The following PDE9A variants were observed in gnomAD, a reference collection of about 807,000 sequenced individuals.
The protein encoded by PDE9A is high affinity cGMP-specific 3',5'-cyclic phosphodiesterase 9A.
A neutral mutation model predicts 87.4 loss-of-function variants in PDE9A; 60 were observed. That is an observed-to-expected ratio of 0.69 (90% CI 0.56 to 0.85). The LOEUF (loss-of-function observed/expected upper bound fraction) is 0.85, where lower values mean the gene tolerates loss of function less well. Ranked by LOEUF, PDE9A falls within the 40% of genes least tolerant of loss-of-function variation. PDE9A has a pLI of 0.00. For synonymous variants in PDE9A, 272 were observed against 279.4 expected, an observed-to-expected ratio of 0.97 and a Z score of 0.27; for missense variants, 665 against 779.0, an observed-to-expected ratio of 0.85 and a Z score of 1.74.
intron 14 of PDE9A, among the ~76,000 whole-genome samples, chr21:42,764,900 G>A (rs1240098897): frequency 2.0e-5 from 3 of 152,116 alleles, no homozygotes; most frequent in Non-Finnish European, 4.4e-5. Context: ...TGTATCTGAT[G>A]CTTGTTGTTT....
At chr21:42,773,292 A>C (rs985985241) in intron 19 of PDE9A, among the ~76,000 whole-genome samples, 9 of 151,838 alleles carry the variant, frequency 5.9e-5, no homozygotes, top group Non-Finnish European at 1.0e-4. Flanking sequence ...GAGGCTCTTA[A>C]AGAAGGGGAA....
chr21:42,765,617 A>G (rs779173818), intron 15 of PDE9A, 123 bp downstream of exon 15: 4 of 708,500 alleles, frequency 5.6e-6, no homozygotes, highest in Non-Finnish European at 1.0e-5. Context: ...CAAGGTGTCT[A>G]TAAATCTGGT....
At chr21:42,703,551 A>G (rs1207212573) in intron 4 of PDE9A, among the ~76,000 whole-genome samples, 1 of 152,238 alleles carries the variant, frequency 6.6e-6, no homozygotes, top group Non-Finnish European at 1.5e-5. Context: ...TTAGAAGAGC[A>G]TCGCTGGGAG....
At chr21:42,738,691 CTGTTT>C (rs1046810355) in intron 7 of PDE9A, among the ~76,000 whole-genome samples, 1 of 152,032 alleles carries the variant, frequency 6.6e-6, no homozygotes, top group Admixed American at 6.5e-5. Flanking sequence ...TTTTTTGTTG[CTGTTT>C]TGTTTTGTTT....
At chr21:42,713,863 T>C (rs1334071957) in intron 4 of PDE9A, among the ~76,000 whole-genome samples, 1 of 151,982 alleles carries the variant, frequency 6.6e-6, no homozygotes, top group Non-Finnish European at 1.5e-5. Context: ...GGGAAATGTA[T>C]CTAATTTTTG....
chr21:42,719,316 C>T (rs1358749575), intron 4 of PDE9A, among the ~76,000 whole-genome samples: 1 of 151,694 alleles, frequency 6.6e-6, no homozygotes, highest in Non-Finnish European at 1.5e-5. Flanking sequence ...ATTATAAGGG[C>T]ACTTTATAGC....
intron 1 of PDE9A, among the ~76,000 whole-genome samples, chr21:42,658,512 C>T (rs547719045): frequency 1.2e-4 from 18 of 152,366 alleles, no homozygotes; most frequent in African/African-American, 4.3e-4. Flanking sequence ...TTCCCCTCTC[C>T]TGCCCACGAC....
At chr21:42,701,454 A>G (rs1050570794) in intron 4 of PDE9A, among the ~76,000 whole-genome samples, 7 of 149,668 alleles carry the variant, frequency 4.7e-5, no homozygotes, top group African/African-American at 1.5e-4. Flanking sequence ...AAAGAGAGAG[A>G]GAGATAAAGT....
At chr21:42,717,797 CACTT>C (rs2050094421) in intron 4 of PDE9A, among the ~76,000 whole-genome samples, 2 of 151,660 alleles carry the variant, frequency 1.3e-5, no homozygotes, top group South Asian at 2.1e-4. Flanking sequence ...GATGTTGACT[CACTT>C]TCTTTCTGGC....
chr21:42,684,713 C>T (rs2059351376), intron 1 of PDE9A, among the ~76,000 whole-genome samples: 1 of 152,200 alleles, frequency 6.6e-6, no homozygotes, highest in African/African-American at 2.4e-5. Context: ...CCCGTGCGAG[C>T]AGGGCCAGGA....
At chr21:42,725,295 T>C (rs571208698) in intron 4 of PDE9A, among the ~76,000 whole-genome samples, 61 of 152,214 alleles carry the variant, frequency 4.0e-4, no homozygotes, top group African/African-American at 1.4e-3. Context: ...TGGAGTGCAA[T>C]GGCACAATCT....
intron 10 of PDE9A, chr21:42,758,732 C>T (rs1233782450): frequency 1.5e-5 from 6 of 413,400 alleles, no homozygotes; most frequent in Non-Finnish European, 2.6e-5. Flanking sequence ...AACTGGCCCT[C>T]CACGCCCCAG....
Position 42,760,957 on chromosome 21 carries a change from C to G in PDE9A, c.1085+50C>G. 1 of 1,198,022 alleles carries G rather than the reference C, an allele frequency of 8.3e-7. No individual in the cohort carries two copies. Among genetic ancestry groups the G allele is most frequent in the Admixed American group, 1.7e-5 (1 of 59,234 alleles). 74.2% of individuals were successfully genotyped at this position (1,198,022 alleles called of 1,614,324 possible). On this transcript the variant is annotated intron_variant, in intron 13 of 19. Transcript: ENST00000291539. This position sits in a 1 kb window ranked among gnomAD's most constrained non-coding sequence, Gnocchi z 5.2. The stretch of plus-strand genomic sequence containing the variant: ...TTCCTTTTAAAAGGCACCCTGGCTA[C>G]TGGAGGGAACCTGTCAGCCCAACCC...
At chr21:42,686,408 A>C (rs2059477502) in intron 2 of PDE9A, 146 bp downstream of exon 2, 1 of 643,332 alleles carries the variant, frequency 1.6e-6, no homozygotes, top group South Asian at 1.8e-5. Flanking sequence ...CAATGCGCAG[A>C]ATCCCGAGGG....
rs1399633642 is a variant in PDE9A, at chr21:42,705,717, G to A, written c.262+6706G>A. ...TCTTAGGCACAGCAGCAGTTGAACCGTGCTGTCACACTTAACCCAAGTGAT... is the reference window on the plus strand; with the variant it reads ...TCTTAGGCACAGCAGCAGTTGAACCATGCTGTCACACTTAACCCAAGTGAT... On this transcript the variant is annotated intron_variant, in intron 4 of 19. Coordinates refer to ENST00000291539, the MANE Select transcript of PDE9A (RefSeq NM_002606.3). This position sits in a 1 kb window ranked among gnomAD's most constrained non-coding sequence, Gnocchi z 4.3. Among the ~76,000 whole-genome samples, 2 of 152,138 alleles carry A rather than the reference G, an allele frequency of 1.3e-5. No individual in the cohort carries two copies. Among genetic ancestry groups the A allele is most frequent in the Admixed American group, 6.5e-5 (1 of 15,280 alleles).
intron 1 of PDE9A, among the ~76,000 whole-genome samples, chr21:42,678,674 G>A (rs973349126): frequency 1.3e-5 from 2 of 152,254 alleles, no homozygotes; most frequent in African/African-American, 4.8e-5. Flanking sequence ...TGTGGAAGGG[G>A]CCATATATCC....
chr21:42,761,988 C>G, intron 13 of PDE9A, 95 bp from the exon 14 acceptor site: 1 of 1,296,398 alleles, frequency 7.7e-7, no homozygotes, highest in Non-Finnish European at 1.1e-6. Flanking sequence ...TCTCCTGACT[C>G]TACTTGCTCC....
chr21:42,769,160 G>GT lies in PDE9A; in HGVS notation c.1590+6dup. On this transcript the variant is annotated splice_donor_region_variant and intron_variant, in intron 17 of 19. Transcript: ENST00000291539. The stretch of plus-strand genomic sequence containing the variant: ...ATGTTTGAAACAGTGACCAAGGTGA[G>GT]TAACTGTCACCACATGTCACACTTG... The GT allele has an allele frequency of 6.2e-7, 1 of 1,612,108 alleles. No homozygotes were observed. Among genetic ancestry groups the GT allele is most frequent in the Non-Finnish European group, 8.5e-7 (1 of 1,178,720 alleles).
intron 1 of PDE9A, among the ~76,000 whole-genome samples, chr21:42,684,550 C>T (rs576198719): frequency 2.0e-5 from 3 of 152,244 alleles, no homozygotes; most frequent in Admixed American, 6.5e-5. Flanking sequence ...TTGGGAGAAG[C>T]AGCCTCTGCA....
Sources: allele counts gnomAD v4.1 joint callset (sites outside exome capture counted in the v4.1 genomes callset), GRCh38; gene constraint gnomAD v4.1.1; non-coding constraint Gnocchi (gnomAD v3.1); transcripts MANE v1.5; gene names NCBI Gene and HGNC (gene_info 2026-07-23, HGNC 2026-07-21).